C1QTNF5: variants seen among roughly 807,000 people sequenced by gnomAD.
C1QTNF5 encodes C1q and TNF related 5.
In C1QTNF5, 5 loss-of-function variants were observed where a neutral mutation model predicts 10.9. The ratio of observed to expected loss-of-function variants is 0.46; its 90% CI spans 0.24 to 0.97. The LOEUF (loss-of-function observed/expected upper bound fraction) is 0.97, where lower values mean the gene tolerates loss of function less well. Ranked by LOEUF, C1QTNF5 falls within the 50% of genes least tolerant of loss-of-function variation. The probability of loss-of-function intolerance (pLI) is 0.19; values close to 1 mark genes in which losing one functional copy is unlikely to be tolerated. For synonymous variants in C1QTNF5, 161 were observed against 156.5 expected, an observed-to-expected ratio of 1.03 and a Z score of -0.22; for missense variants, 281 against 339.4, an observed-to-expected ratio of 0.83 and a Z score of 1.35.
upstream of C1QTNF5, chr11:119,345,389 G>T: frequency 6.3e-7 from 1 of 1,596,308 alleles, no homozygotes; most frequent in South Asian, 1.1e-5. Flanking sequence ...TTCAGGACAC[G>T]GTGGGATGTC....
chr11:119,346,338 C>G, the C1QTNF5 span: 1 of 1,614,008 alleles, frequency 6.2e-7, no homozygotes, highest in Non-Finnish European at 8.5e-7. Context: ...CAGGGTGGCC[C>G]AGACTCAGGC....
upstream of C1QTNF5, chr11:119,343,941 C>T (rs775245313): frequency 4.5e-5 from 73 of 1,613,282 alleles, no homozygotes; most frequent in Non-Finnish European, 5.8e-5. Flanking sequence ...GTCCGGCAGG[C>T]ACCGAGATAT....
Position 119,340,699 on chromosome 11 carries a change from C to T in C1QTNF5, c.-48G>A, listed in dbSNP as rs185696769. On this transcript the variant is annotated 5_prime_UTR_variant, in exon 1 of 3. Coordinates refer to ENST00000528368, the MANE Select transcript of C1QTNF5 (RefSeq NM_001278431.2). ...CCCCTCCTCCGCCAGACTCACCCCC[C>T]CTCCCGGCTCCCCGATGGCCTCCTT... 1.6e-4 allele frequency: 69 copies of T among 429,406 alleles called. No individual in the cohort carries two copies. The East Asian group carries it at 2.6e-3, about 16-fold the overall frequency. The allele number at this position is 429,406 out of a possible 1,614,324, so 26.6% of individuals were successfully genotyped here.
chr11:119,343,129 G>A, upstream of C1QTNF5: 2 of 1,217,592 alleles, frequency 1.6e-6, no homozygotes, highest in East Asian at 5.1e-5. Flanking sequence ...AAGACACAGG[G>A]TTAGGGTCTG....
upstream of C1QTNF5, chr11:119,342,872 C>T (rs1764252651): frequency 6.2e-7 from 1 of 1,613,140 alleles, no homozygotes; most frequent in East Asian, 2.2e-5. Flanking sequence ...GGGGCACCTA[C>T]TCTCCGTGGC....
At chr11:119,340,561 AG>A in intron 1 of C1QTNF5, 121 bp from the exon 2 acceptor site, 1 of 705,428 alleles carries the variant, frequency 1.4e-6, no homozygotes, top group Non-Finnish European at 2.3e-6. Flanking sequence ...GAGCGCTCGC[AG>A]GGCCGAGCAT....
chr11:119,342,566 G>A (rs561701695), upstream of C1QTNF5: 3 of 1,611,880 alleles, frequency 1.9e-6, no homozygotes, highest in African/African-American at 2.7e-5. Flanking sequence ...CACCCAGCCT[G>A]CTCAGGGTCC....
upstream of C1QTNF5, chr11:119,343,099 G>C (rs956429160): frequency 4.8e-6 from 7 of 1,463,506 alleles, no homozygotes; most frequent in Admixed American, 1.4e-4. Flanking sequence ...GGGAGCCCTG[G>C]ATGATGCCAA....
At chr11:119,342,455 G>GTGGT, upstream of C1QTNF5, 1 of 1,049,358 alleles carries the variant, frequency 9.5e-7, no homozygotes, top group Non-Finnish European at 1.4e-6. Context: ...ACTCTGTGAA[G>GTGGT]TGGTCCCAGA....
At chr11:119,345,495 A>G (rs2135373384), upstream of C1QTNF5, 4 of 1,614,088 alleles carry the variant, frequency 2.5e-6, no homozygotes, top group Non-Finnish European at 3.4e-6. Context: ...CTCTATGCTG[A>G]GGGCTTCGAT....
Position 119,340,793 on chromosome 11 carries a change from C to T in C1QTNF5, c.-142G>A, listed in dbSNP as rs1175238142. 1 of 260,502 alleles carries T rather than the reference C, an allele frequency of 3.8e-6. No individual in the cohort carries two copies. The highest frequency in any genetic ancestry group is 1.2e-4 in the East Asian group (1 of 8,050). The allele number at this position is 260,502 out of a possible 1,614,324, so 16.1% of individuals were successfully genotyped here. A position where few individuals can be genotyped will look rare whatever the true frequency, so the allele number is the denominator to read the frequency against. ...GCCCCCGCGCTTCTCCCCGGCCAGG[C>T]GCCCCCTGCCCTGCCGTCACCCCAG... On this transcript the variant is annotated 5_prime_UTR_variant, in exon 1 of 3. Coordinates refer to ENST00000528368, the MANE Select transcript of C1QTNF5 (RefSeq NM_001278431.2).
Position 119,340,191 on chromosome 11 carries a change from C to T in C1QTNF5, c.207G>A (p.Gly69=). ...PGAPGEKGEG[G]RPGLPGPRGD... Reference sequence around the variant, plus strand: ...GCGGCGGTGCCTTCTTACCCGGCCTCCCGCCCTCGCCTTTCTCTCCCGGAG... The same window carrying T: ...GCGGCGGTGCCTTCTTACCCGGCCTTCCGCCCTCGCCTTTCTCTCCCGGAG... The change falls in exon 2 of 3, where the codon GGG becomes GGA. Residue 69 remains glycine (G), a synonymous_variant. Transcript: ENST00000528368. 6.6e-7 allele frequency: 1 copy of T among 1,515,332 alleles called. No individual in the cohort carries two copies. Among genetic ancestry groups the T allele is most frequent in the Non-Finnish European group, 8.8e-7 (1 of 1,134,538 alleles). 93.9% of individuals were successfully genotyped at this position (1,515,332 alleles called of 1,614,324 possible). A position where few individuals can be genotyped will look rare whatever the true frequency, so the allele number is the denominator to read the frequency against.
At chr11:119,345,901 G>A (rs1399208418), upstream of C1QTNF5, 97 of 1,613,494 alleles carry the variant, frequency 6.0e-5, no homozygotes, top group Middle Eastern at 3.3e-4. Context: ...GCTATGGGAC[G>A]CCCCAGATGG....
At chr11:119,346,307 T>C in the C1QTNF5 span, 6 of 1,613,862 alleles carry the variant, frequency 3.7e-6, no homozygotes, top group Non-Finnish European at 5.1e-6. Flanking sequence ...GCTGGCATCC[T>C]CTGGGAAAAC....
chr11:119,342,601 G>A (rs142248522), upstream of C1QTNF5: 1 of 1,613,186 alleles, frequency 6.2e-7, no homozygotes, highest in Non-Finnish European at 8.5e-7. Context: ...CTCACCTGGG[G>A]GTGGGAACAA....
upstream of C1QTNF5, chr11:119,342,733 G>C (rs747235836): frequency 1.2e-6 from 2 of 1,613,574 alleles, no homozygotes; most frequent in South Asian, 2.2e-5. Flanking sequence ...GGGGTCTGCA[G>C]GCACAAGGGG....
chr11:119,343,788 A>G, upstream of C1QTNF5: 4 of 1,613,458 alleles, frequency 2.5e-6, 1 homozygote, highest in South Asian at 4.4e-5. Context: ...GGATGGAGTT[A>G]TCCATGGCTC....
the C1QTNF5 span, chr11:119,346,350 C>T: frequency 6.4e-5 from 104 of 1,613,858 alleles, no homozygotes; most frequent in African/African-American, 2.7e-4. Context: ...GACTCAGGCT[C>T]GAAGGCAGGA....
Position 119,340,257 on chromosome 11 carries a change from CG to C in C1QTNF5, c.140del (p.Pro47ArgfsTer84). ...TPGHHGSQGL[P>X]GRDGRDGRDG... Reference sequence around the variant, plus strand: ...CGCGGCCGTCGCGGCCATCGCGGCCCGGCAAGCCCTGGCTGCCATGGTGGCC... The same window carrying C: ...CGCGGCCGTCGCGGCCATCGCGGCCCGCAAGCCCTGGCTGCCATGGTGGCC... On this transcript the variant is annotated frameshift_variant, in exon 2 of 3. Coordinates refer to ENST00000528368, the MANE Select transcript of C1QTNF5 (RefSeq NM_001278431.2). LOFTEE classifies it high-confidence loss of function. 6.6e-7 allele frequency: 1 copy of C among 1,516,884 alleles called. No individual in the cohort carries two copies. Among genetic ancestry groups the C allele is most frequent in the Middle Eastern group, 2.3e-4 (1 of 4,376 alleles). The allele number at this position is 1,516,884 out of a possible 1,614,324, so 94.0% of individuals were successfully genotyped here.
Sources: gnomAD v4.1 joint callset for allele counts on GRCh38, gnomAD v4.1.1 for gene constraint, MANE v1.5 for transcripts, NCBI Gene and HGNC (gene_info 2026-07-23, HGNC 2026-07-21) for gene names.